Variants in KLF16 observed in about 807,000 individuals in gnomAD.
The protein encoded by KLF16 is Krueppel-like factor 16.
Under a neutral mutation model 6.1 loss-of-function variants are expected in KLF16, and 6 were observed. That is an observed-to-expected ratio of 0.98 (90% confidence interval 0.54 to 1.93). KLF16 has a LOEUF of 1.93. Ranked by LOEUF, KLF16 falls within the 30% of genes most tolerant of loss-of-function variation. The probability of loss-of-function intolerance (pLI) is 0.01; values close to 1 mark genes in which losing one functional copy is unlikely to be tolerated. For synonymous variants in KLF16, 211 were observed against 176.5 expected, an observed-to-expected ratio of 1.20 and a Z score of -1.55; for missense variants, 355 against 363.8, an observed-to-expected ratio of 0.98 and a Z score of 0.20.
In KLF16 at chr19:1,854,358, G is replaced by T. The variant is rs2011901824; in HGVS notation, c.*101C>A. 1.5e-6 allele frequency: 2 copies of T among 1,328,092 alleles called. No homozygotes were observed. Among genetic ancestry groups the T allele is most frequent in the Admixed American group, 4.0e-5 (1 of 24,966 alleles). 82.3% of individuals were successfully genotyped at this position (1,328,092 alleles called of 1,614,324 possible). Reference sequence around the variant, plus strand: ...GGAGGGGGGCAGGGGTGTCTTCAGGGTTTGCCCACGGCTGGAAGGGGCCCA... The same window carrying T: ...GGAGGGGGGCAGGGGTGTCTTCAGGTTTTGCCCACGGCTGGAAGGGGCCCA... On this transcript the variant is annotated 3_prime_UTR_variant, in exon 2 of 2. Transcript: ENST00000250916.
the KLF16 span, among the ~76,000 whole-genome samples, chr19:1,872,502 T>G: frequency 1.3e-5 from 2 of 152,214 alleles, no homozygotes; most frequent in Non-Finnish European, 2.9e-5. Flanking sequence ...CGCCTGGGCC[T>G]GTTCCCTCCG....
In KLF16 at chr19:1,863,555, T is replaced by G. The variant is rs1269065714; in HGVS notation, c.-58A>C. Reference sequence around the variant, plus strand: ...GCGGAGGCGGCGGGAGCGGCGTCCGTCCGGCCGGCGGCGGCTGCTCGAGTG... The same window carrying G: ...GCGGAGGCGGCGGGAGCGGCGTCCGGCCGGCCGGCGGCGGCTGCTCGAGTG... On this transcript the variant is annotated 5_prime_UTR_variant, in exon 1 of 2. Transcript: ENST00000250916. 41 of 851,862 alleles carry G rather than the reference T, an allele frequency of 4.8e-5. No individual in the cohort carries two copies. Among genetic ancestry groups the G allele is most frequent in the Admixed American group, 3.2e-4 (5 of 15,514 alleles). The allele number at this position is 851,862 out of a possible 1,614,324, so 52.8% of individuals were successfully genotyped here.
In KLF16 at chr19:1,854,121, C is replaced by T. The variant is rs73916812; in HGVS notation, c.*338G>A. The T allele has an allele frequency of 1.5e-5, 4 of 274,482 alleles. No homozygotes were observed. The Admixed American group carries it at 2.2e-4, about 15-fold the overall frequency. 17.0% of individuals were successfully genotyped at this position (274,482 alleles called of 1,614,324 possible). On this transcript the variant is annotated 3_prime_UTR_variant, in exon 2 of 2. Coordinates refer to ENST00000250916, the MANE Select transcript of KLF16 (RefSeq NM_031918.4). ...CGGCTCCCAGAAGTCCACTCCACCC[C>T]CCCAAACCCCACCCCGGGAGGGGGG...
At chr19:1,874,587 G>A in the KLF16 span, among the ~76,000 whole-genome samples, 1 of 151,348 alleles carries the variant, frequency 6.6e-6, no homozygotes, top group Non-Finnish European at 1.5e-5. Context: ...AAAAATGCAG[G>A]AGCCGTAAAG....
At position 1,854,686 on chromosome 19, in the gene KLF16, G is replaced by A; in HGVS notation, c.532C>T (p.His178Tyr). ...FARSDELARH[H>Y]RTHTGEKRFS... ...CGCTTCTCGCCCGTGTGCGTCCGGTGGTGGCGGGCCAGCTCGTCGGAGCGG... is the reference window on the plus strand; with the variant it reads ...CGCTTCTCGCCCGTGTGCGTCCGGTAGTGGCGGGCCAGCTCGTCGGAGCGG... The change falls in exon 2 of 2, where the codon CAC (histidine) becomes TAC (tyrosine). Residue 178 changes from histidine to tyrosine, a missense_variant. Coordinates refer to ENST00000250916, the MANE Select transcript of KLF16 (RefSeq NM_031918.4). 6.2e-7 allele frequency: 1 copy of A among 1,600,656 alleles called. No homozygotes were observed. Among genetic ancestry groups the A allele is most frequent in the Non-Finnish European group, 8.5e-7 (1 of 1,179,628 alleles).
At chr19:1,862,461 C>A (rs978623658) in intron 1 of KLF16, among the ~76,000 whole-genome samples, 4 of 152,206 alleles carry the variant, frequency 2.6e-5, no homozygotes, top group African/African-American at 7.2e-5. Context: ...CCAACCCGCG[C>A]TCCTAGCCTC....
chr19:1,874,488 T>C, the KLF16 span, among the ~76,000 whole-genome samples: 2 of 151,496 alleles, frequency 1.3e-5, no homozygotes, highest in Non-Finnish European at 2.9e-5. Context: ...TTTAAATATA[T>C]GGGGAAAAAA....
chr19:1,864,856 C>T (rs1450992884), upstream of KLF16, among the ~76,000 whole-genome samples: 1 of 152,194 alleles, frequency 6.6e-6, no homozygotes, highest in Non-Finnish European at 1.5e-5. Flanking sequence ...GACCGCGCTC[C>T]CGCCCCTTCC....
upstream of KLF16, among the ~76,000 whole-genome samples, chr19:1,865,907 GAA>G (rs2012181538): frequency 6.6e-6 from 1 of 151,870 alleles, no homozygotes; most frequent in South Asian, 2.1e-4. Flanking sequence ...CTCACGCCTG[GAA>G]TGCCAGCACT....
At chr19:1,860,655 G>A (rs144665216) in intron 1 of KLF16, among the ~76,000 whole-genome samples, 1 of 152,160 alleles carries the variant, frequency 6.6e-6, no homozygotes, top group African/African-American at 2.4e-5. Flanking sequence ...GGACAGCCCT[G>A]CAATGGGGCT....
At chr19:1,867,298 A>G (rs769002959), upstream of KLF16, among the ~76,000 whole-genome samples, 1 of 152,164 alleles carries the variant, frequency 6.6e-6, no homozygotes, top group Non-Finnish European at 1.5e-5. Flanking sequence ...GGCCGGGTGC[A>G]GTGACTCACG....
At chr19:1,875,177 C>T in the KLF16 span, 1 of 152,132 alleles carries the variant, frequency 6.6e-6, no homozygotes. Flanking sequence ...AGGAATTTAA[C>T]CTAAGAAAAT....
At chr19:1,869,294 T>C in the KLF16 span, among the ~76,000 whole-genome samples, 1 of 152,028 alleles carries the variant, frequency 6.6e-6, no homozygotes. Context: ...CTGGCCAACA[T>C]GGTGAAACCC....
intron 1 of KLF16, among the ~76,000 whole-genome samples, chr19:1,855,036 A>ACCCCCAC (rs1460847960): frequency 6.6e-6 from 1 of 152,106 alleles, no homozygotes; most frequent in Non-Finnish European, 1.5e-5. Flanking sequence ...ACCGTAAGTA[A>ACCCCCAC]CCGCCGCAGA....
At chr19:1,874,270 C>T in the KLF16 span, among the ~76,000 whole-genome samples, 20 of 151,960 alleles carry the variant, frequency 1.3e-4, no homozygotes, top group Admixed American at 1.0e-3. Context: ...GAGGGGCCTC[C>T]GGACATGAGG....
chr19:1,863,409 G>A lies in KLF16; in HGVS notation c.89C>T (p.Pro30Leu). Residue 30 changes from proline (P) to leucine (L), a missense_variant, in exon 1 of 2, where the codon CCC (proline) becomes CTC (leucine). Pro to Leu is a moderately conservative substitution (Grantham distance 98, BLOSUM62 -3). Transcript: ENST00000250916. ...SSGAVVHRGR[P>L]GPEGAGPAAG... ...GGCGGGGCCCGCGCCCTCGGGGCCGGGCCGCCCGCGGTGCACCACGGCGCC... is the reference window on the plus strand; with the variant it reads ...GGCGGGGCCCGCGCCCTCGGGGCCGAGCCGCCCGCGGTGCACCACGGCGCC... 1.0e-6 allele frequency: 1 copy of A among 998,856 alleles called. No homozygotes were observed. The highest frequency in any genetic ancestry group is 1.2e-6 in the Non-Finnish European group (1 of 840,972). 61.9% of individuals were successfully genotyped at this position (998,856 alleles called of 1,614,324 possible). A position where few individuals can be genotyped will look rare whatever the true frequency, so the allele number is the denominator to read the frequency against.
chr19:1,871,714 A>T, the KLF16 span, among the ~76,000 whole-genome samples: 9 of 152,142 alleles, frequency 5.9e-5, no homozygotes, highest in Non-Finnish European at 8.8e-5. Context: ...AGGTTCCACC[A>T]GCCAGGTGGG....
At chr19:1,876,479 G>A in the KLF16 span, among the ~76,000 whole-genome samples, 2 of 152,226 alleles carry the variant, frequency 1.3e-5, no homozygotes, top group African/African-American at 2.4e-5. Context: ...TCTTCCAGGG[G>A]AGACCCTCGG....
rs1017611962 is a variant in KLF16, at chr19:1,854,142, G to A, written c.*317C>T. 1 of 309,202 alleles carries A rather than the reference G, an allele frequency of 3.2e-6. No individual in the cohort carries two copies. The highest frequency in any genetic ancestry group is 5.9e-6 in the Non-Finnish European group (1 of 170,148). 19.2% of individuals were successfully genotyped at this position (309,202 alleles called of 1,614,324 possible). A position where few individuals can be genotyped will look rare whatever the true frequency, so the allele number is the denominator to read the frequency against. On this transcript the variant is annotated 3_prime_UTR_variant, in exon 2 of 2. Coordinates refer to ENST00000250916, the MANE Select transcript of KLF16 (RefSeq NM_031918.4). Reference sequence around the variant, plus strand: ...ACCCCCCCAAACCCCACCCCGGGAGGGGGGCAGCAGGGGGTGGTGGAGAGG... The same window carrying A: ...ACCCCCCCAAACCCCACCCCGGGAGAGGGGCAGCAGGGGGTGGTGGAGAGG...
Sources: gnomAD v4.1 joint callset for allele counts (sites outside exome capture counted in the v4.1 genomes callset) on GRCh38, gnomAD v4.1.1 for gene constraint, MANE v1.5 for transcripts, NCBI Gene and HGNC (gene_info 2026-07-23, HGNC 2026-07-21) for gene names.